The following RPS6KC1 variants were observed in gnomAD, a reference collection of about 807,000 sequenced individuals.
RPS6KC1 encodes inactive ribosomal protein S6 kinase delta-1.
RPS6KC1 carries 54 observed loss-of-function variants against 103.8 expected under a neutral mutation model. That is an observed-to-expected ratio of 0.52 (90% CI 0.42 to 0.65). The LOEUF (loss-of-function observed/expected upper bound fraction) is 0.65, where lower values mean the gene tolerates loss of function less well. Ranked by LOEUF, RPS6KC1 falls within the 30% of genes least tolerant of loss-of-function variation. The pLI is 0.00. For missense variants in RPS6KC1, 1,151 were observed against 1,253.8 expected, an observed-to-expected ratio of 0.92 and a Z score of 1.24; for synonymous variants, 439 against 438.7, an observed-to-expected ratio of 1.00 and a Z score of -0.01.
chr1:213,083,968 A>G (rs959932113), intron 3 of RPS6KC1, among the ~76,000 whole-genome samples: 1 of 152,150 alleles, frequency 6.6e-6, no homozygotes, highest in Non-Finnish European at 1.5e-5. Flanking sequence ...TGGTGAGAAC[A>G]CTCAGGCAGC....
At chr1:213,859,886 A>G in the RPS6KC1 span, among the ~76,000 whole-genome samples, 1 of 152,148 alleles carries the variant, frequency 6.6e-6, no homozygotes, top group Non-Finnish European at 1.5e-5. Flanking sequence ...GTATGCTTAC[A>G]TTGAATCTGT....
chr1:213,345,896 G>T, the RPS6KC1 span, among the ~76,000 whole-genome samples: 1 of 152,182 alleles, frequency 6.6e-6, no homozygotes, highest in Non-Finnish European at 1.5e-5. Flanking sequence ...TTCTTTCTGA[G>T]ATCTTGGCTC....
At chr1:213,289,503 T>G in the RPS6KC1 span, among the ~76,000 whole-genome samples, 1 of 152,168 alleles carries the variant, frequency 6.6e-6, no homozygotes, top group Non-Finnish European at 1.5e-5. Flanking sequence ...ACTCATTTCA[T>G]TGTCCAAATT....
chr1:213,472,758 T>C, the RPS6KC1 span, among the ~76,000 whole-genome samples: 4 of 152,202 alleles, frequency 2.6e-5, no homozygotes, highest in Admixed American at 6.5e-5. Flanking sequence ...ATCTTTTCCC[T>C]GGGGAGTACA....
chr1:213,342,946 G>T, the RPS6KC1 span, among the ~76,000 whole-genome samples: 1 of 152,076 alleles, frequency 6.6e-6, no homozygotes, highest in Non-Finnish European at 1.5e-5. Context: ...TCAGGAGTTT[G>T]AGACCAGCCT....
chr1:213,261,788 A>G (rs2094803688), intron 13 of RPS6KC1, 148 bp downstream of exon 13: 1 of 640,982 alleles, frequency 1.6e-6, no homozygotes, highest in East Asian at 2.6e-5. Flanking sequence ...ATGCAAGTTT[A>G]TCAAGAGTCC....
chr1:213,364,615 G>A, the RPS6KC1 span, among the ~76,000 whole-genome samples: 3 of 152,024 alleles, frequency 2.0e-5, no homozygotes, highest in Non-Finnish European at 2.9e-5. Flanking sequence ...ATGACCAGGG[G>A]GTGCCCAGCT....
the RPS6KC1 span, among the ~76,000 whole-genome samples, chr1:213,714,801 C>T: frequency 8.5e-5 from 13 of 152,228 alleles, no homozygotes; most frequent in Non-Finnish European, 1.9e-4. Flanking sequence ...TGCAGATAAA[C>T]GTTGCTGCCG....
chr1:213,554,368 C>T, the RPS6KC1 span, among the ~76,000 whole-genome samples: 2 of 152,136 alleles, frequency 1.3e-5, no homozygotes, highest in South Asian at 4.2e-4. Context: ...TAACATGTTC[C>T]ATTGGTCTAT....
At chr1:213,159,415 G>T (rs2090240265) in intron 6 of RPS6KC1, among the ~76,000 whole-genome samples, 1 of 152,162 alleles carries the variant, frequency 6.6e-6, no homozygotes, top group African/African-American at 2.4e-5. Flanking sequence ...TAGCTGTGGA[G>T]TTTTATATTC....
the RPS6KC1 span, among the ~76,000 whole-genome samples, chr1:213,307,840 GTCTT>G: frequency 6.6e-6 from 1 of 152,148 alleles, no homozygotes; most frequent in African/African-American, 2.4e-5. Flanking sequence ...CTGGTCTCCT[GTCTT>G]TCTTTGTTCT....
At chr1:213,318,018 C>A in the RPS6KC1 span, among the ~76,000 whole-genome samples, 4 of 152,378 alleles carry the variant, frequency 2.6e-5, no homozygotes, top group South Asian at 8.3e-4. Flanking sequence ...GCTCCTCTTG[C>A]CCAGCTTTGT....
chr1:213,470,988 T>TA, the RPS6KC1 span, among the ~76,000 whole-genome samples: 2 of 152,284 alleles, frequency 1.3e-5, no homozygotes, highest in Non-Finnish European at 2.9e-5. Flanking sequence ...AAAAGAACAA[T>TA]AAATGCTTAA....
the RPS6KC1 span, among the ~76,000 whole-genome samples, chr1:213,649,444 T>G: frequency 2.0e-5 from 3 of 152,026 alleles, no homozygotes; most frequent in Non-Finnish European, 4.4e-5. Context: ...CCTAGCCCTC[T>G]GGCCACAGGA....
chr1:213,127,774 T>A (rs2085145466), intron 5 of RPS6KC1, among the ~76,000 whole-genome samples: 1 of 152,178 alleles, frequency 6.6e-6, no homozygotes, highest in Admixed American at 6.5e-5. Context: ...AGTTTTCTGA[T>A]GAGATTGGTA....
chr1:213,076,790 AG>A (rs1211617617), intron 2 of RPS6KC1, among the ~76,000 whole-genome samples: 1 of 152,042 alleles, frequency 6.6e-6, no homozygotes, highest in Non-Finnish European at 1.5e-5. Context: ...TCTTATTACT[AG>A]TGTGAATTAA....
the RPS6KC1 span, among the ~76,000 whole-genome samples, chr1:213,399,741 C>T: frequency 3.4e-3 from 516 of 152,142 alleles, 3 homozygotes; most frequent in Middle Eastern, 0.041. Context: ...AGAAGCCCGG[C>T]GATGAATGGC....
At chr1:213,631,935 G>A in the RPS6KC1 span, among the ~76,000 whole-genome samples, 1 of 152,042 alleles carries the variant, frequency 6.6e-6, no homozygotes, top group Non-Finnish European at 1.5e-5. Flanking sequence ...CCTACCCCTG[G>A]CAAACACTGA....
chr1:213,619,711 G>A, the RPS6KC1 span, among the ~76,000 whole-genome samples: 1 of 152,206 alleles, frequency 6.6e-6, no homozygotes, highest in African/African-American at 2.4e-5. Context: ...TGCTAGGAAT[G>A]CATATTTTAG....
Sources: gnomAD v4.1 joint callset for allele counts (sites outside exome capture counted in the v4.1 genomes callset) on GRCh38, gnomAD v4.1.1 for gene constraint, MANE v1.5 for transcripts, NCBI Gene and HGNC (gene_info 2026-07-23, HGNC 2026-07-21) for gene names.